Variants in CCNT2 observed in about 807,000 individuals in gnomAD.
CCNT2 encodes the protein cyclin-T2.
In CCNT2, 18 loss-of-function variants were observed where a neutral mutation model predicts 70.0. The ratio of observed to expected loss-of-function variants is 0.26; its 90% CI spans 0.18 to 0.38. The LOEUF is 0.38. Among genes scored for constraint, CCNT2 ranks in the 10% least tolerant of loss-of-function variants. CCNT2 has a pLI of 1.00. For synonymous variants in CCNT2, 334 were observed against 313.3 expected (o/e 1.07, Z -0.70); for missense variants, 734 against 890.2 (o/e 0.82, Z 2.23).
chr2:134,937,753 A>G (rs45612036), intron 3 of CCNT2, among the ~76,000 whole-genome samples: 2,864 of 152,180 alleles, frequency 0.019, 92 homozygotes, highest in African/African-American at 0.066. Flanking sequence ...CATCTCTACT[A>G]AAAATACAAA....
rs79178736 is a variant in CCNT2, at chr2:134,953,729, C to T, written c.1274C>T (p.Thr425Ile). Residue 425 changes from threonine (T) to isoleucine (I), a missense_variant, in exon 9 of 9, where the codon ACT becomes ATT. Around this residue, in one of 3 missense-constraint regions of CCNT2, gnomAD observed 532 missense variants for 556.9 expected, o/e 0.96. Coordinates refer to ENST00000264157, the MANE Select transcript of CCNT2 (RefSeq NM_058241.3). ...GSSKHHGPIS[T>I]TPGIIPQKMS... is the part of the protein sequence containing the mutation. ...AGTAAACACCATGGGCCAATTTCCA[C>T]TACTCCAGGAATAATTCCTCAGAAA... 6.1e-5 allele frequency: 98 copies of T among 1,614,010 alleles called. No individual in the cohort carries two copies. In the East Asian group the frequency reaches 2.2e-3, roughly 36 times the overall value.
At chr2:134,943,059 T>C in intron 5 of CCNT2, 1 of 985,330 alleles carries the variant, frequency 1.0e-6, no homozygotes, top group African/African-American at 1.7e-5. Flanking sequence ...GTGATAACAG[T>C]TGAAGAATTT....
chr2:134,951,754 CT>C (rs1447955668), intron 7 of CCNT2, among the ~76,000 whole-genome samples: 2 of 152,150 alleles, frequency 1.3e-5, no homozygotes, highest in African/African-American at 4.8e-5. Context: ...TCTCCTGGTA[CT>C]AACATCTTAC....
At chr2:134,942,793 T>G in intron 5 of CCNT2, 119 bp downstream of exon 5, 1 of 1,397,774 alleles carries the variant, frequency 7.2e-7, no homozygotes, top group South Asian at 1.6e-5. Flanking sequence ...TAGGGAGAAA[T>G]GTCATTTTTT....
chr2:134,934,248 A>G (rs893632910), intron 2 of CCNT2, among the ~76,000 whole-genome samples: 1 of 152,196 alleles, frequency 6.6e-6, no homozygotes, highest in African/African-American at 2.4e-5. Context: ...CTAGGTCCAA[A>G]ATACAAAAAT....
rs1683070874 is a variant in CCNT2 at position 134,959,041 on chromosome 2, G to C, written c.*4393G>C. 1.3e-5 allele frequency: 2 copies of C among 150,928 alleles called. No individual in the cohort carries two copies. The highest frequency in any genetic ancestry group is 1.3e-4 in the Admixed American group (2 of 15,016). 9.3% of individuals were successfully genotyped at this position (150,928 alleles called of 1,614,324 possible). A position where few individuals can be genotyped will look rare whatever the true frequency, so the allele number is the denominator to read the frequency against. On this transcript the variant is annotated 3_prime_UTR_variant, in exon 9 of 9. Transcript: ENST00000264157. ...GCATTGCCACTTTAGTAGTTTGTTT[G>C]ATTTGCCTATTGTTTAATAATGAGT... is the stretch of plus-strand genomic sequence containing the variant.
intron 2 of CCNT2, among the ~76,000 whole-genome samples, chr2:134,932,549 A>AT (rs35802107): frequency 1.3e-5 from 2 of 151,998 alleles, no homozygotes; most frequent in Non-Finnish European, 2.9e-5. Context: ...CAGCTTGAAG[A>AT]TTTTTTTTAA....
At chr2:134,928,642 A>G (rs1056108361) in intron 2 of CCNT2, among the ~76,000 whole-genome samples, 1 of 152,174 alleles carries the variant, frequency 6.6e-6, no homozygotes. Context: ...AAATAGAATT[A>G]CTATTGGCCA....
chr2:134,936,307 C>G (rs1039931084), intron 2 of CCNT2, among the ~76,000 whole-genome samples: 2 of 151,848 alleles, frequency 1.3e-5, no homozygotes, highest in Non-Finnish European at 2.9e-5. Context: ...CCCCTTTGTT[C>G]TATGTGCAAA....
rs890742345 is a variant in CCNT2, at chr2:134,956,770, C to T, written c.*2122C>T. 6.6e-6 allele frequency: 1 copy of T among 152,468 alleles called. No individual in the cohort carries two copies. The highest frequency in any genetic ancestry group is 1.5e-5 in the Non-Finnish European group (1 of 67,994). The allele number at this position is 152,468 out of a possible 1,614,324, so 9.4% of individuals were successfully genotyped here. On this transcript the variant is annotated 3_prime_UTR_variant, in exon 9 of 9. Transcript: ENST00000264157. ...CAATGTGAATATTTAAGGTCTGTGA[C>T]TATAGTTAAACTTCACTAAGAATTT...
At chr2:134,944,244 G>A in intron 5 of CCNT2, 4 of 982,096 alleles carry the variant, frequency 4.1e-6, no homozygotes, top group Non-Finnish European at 4.8e-6. Flanking sequence ...AGGAAAAAGG[G>A]TTAGTTTTTT....
rs1214539684 is a variant in CCNT2, at chr2:134,947,875, A to G, written c.679A>G (p.Thr227Ala). ...GCATTGGTGGGAATATGTGGATCCT[A>G]CAGTTACTCTAGAATTATTAGATGG... ...GKHWWEYVDP[T>A]VTLELLDELT... The change falls in exon 7 of 9, where the codon ACA (threonine) becomes GCA (alanine). Residue 227 changes from threonine (T) to alanine (A), a missense_variant. Coordinates refer to ENST00000264157, the MANE Select transcript of CCNT2 (RefSeq NM_058241.3). The G allele has an allele frequency of 1.3e-6, 2 of 1,514,334 alleles. No individual in the cohort carries two copies. The highest frequency in any genetic ancestry group is 2.6e-5 in the South Asian group (2 of 76,658). The allele number at this position is 1,514,334 out of a possible 1,614,324, so 93.8% of individuals were successfully genotyped here.
In CCNT2 at chr2:134,919,348, C is replaced by T. The variant is rs148237245; in HGVS notation, c.158+336C>T. ...GGCGGCTCCCTGGACTTGTCCCTGACCCCGAAGGGTTTGAGAGGTAGGAGG... is the reference window on the plus strand; with the variant it reads ...GGCGGCTCCCTGGACTTGTCCCTGATCCCGAAGGGTTTGAGAGGTAGGAGG... On this transcript the variant is annotated intron_variant, in intron 1 of 8. Transcript: ENST00000264157. Among the ~76,000 whole-genome samples, 773 of 152,258 alleles carry T rather than the reference C, an allele frequency of 5.1e-3. 4 individuals are homozygous for T. The highest frequency in any genetic ancestry group is 0.017 in the African/African-American group (719 of 41,516).
At chr2:134,931,998 CT>C (rs1480559609) in intron 2 of CCNT2, among the ~76,000 whole-genome samples, 2 of 151,722 alleles carry the variant, frequency 1.3e-5, no homozygotes, top group Non-Finnish European at 1.5e-5. Flanking sequence ...TTCATTTTTT[CT>C]TTTTTGTTTT....
chr2:134,938,682 T>A (rs1681342695), intron 3 of CCNT2, among the ~76,000 whole-genome samples: 1 of 152,246 alleles, frequency 6.6e-6, no homozygotes, highest in South Asian at 2.1e-4. Context: ...TTCCTGTCTT[T>A]AATATCTCTT....
intron 5 of CCNT2, chr2:134,943,400 T>A: frequency 1.0e-6 from 1 of 971,570 alleles, no homozygotes; most frequent in Non-Finnish European, 1.2e-6. Context: ...AGACCCTATC[T>A]CAAAAAAAAA....
intron 2 of CCNT2, among the ~76,000 whole-genome samples, chr2:134,922,759 C>T (rs76480857): frequency 2.2e-3 from 335 of 152,316 alleles, no homozygotes; most frequent in African/African-American, 7.7e-3. Flanking sequence ...GCTTCTCTTA[C>T]AAACTCCTAA....
Position 134,945,706 on chromosome 2 carries a change from AAGTCTGGC to A in CCNT2, c.494-392_494-385del. The A allele has an allele frequency of 2.4e-6, 3 of 1,271,190 alleles. No homozygotes were observed. In the South Asian group the frequency reaches 4.0e-5, roughly 17 times the overall value. 78.7% of individuals were successfully genotyped at this position (1,271,190 alleles called of 1,614,324 possible). ...GCCAACTTAAATATGACTGAGGATTAAGTCTGGCAGGCAACTCTTTGTATTTTGTATTA... is the reference window on the plus strand; with the variant it reads ...GCCAACTTAAATATGACTGAGGATTAAGGCAACTCTTTGTATTTTGTATTA... On this transcript the variant is annotated intron_variant, in intron 5 of 8. Coordinates refer to ENST00000264157, the MANE Select transcript of CCNT2 (RefSeq NM_058241.3).
chr2:134,935,233 G>A lies in CCNT2; in HGVS notation c.241-1608G>A, dbSNP rs571088631. ...TAAAAGGAAGAAATAAGTTGAAAGT[G>A]CAAATTAAAATTATTCACTCATTTT... On this transcript the variant is annotated intron_variant, in intron 2 of 8. Coordinates refer to ENST00000264157, the MANE Select transcript of CCNT2 (RefSeq NM_058241.3). Among the ~76,000 whole-genome samples the A allele has an allele frequency of 1.2e-3, 178 of 152,208 alleles. 1 individual carries two copies. The highest frequency in any genetic ancestry group is 3.4e-3 in the Middle Eastern group (1 of 294).
Sources: allele counts gnomAD v4.1 joint callset (sites outside exome capture counted in the v4.1 genomes callset), GRCh38; gene constraint gnomAD v4.1.1; regional missense constraint gnomAD v4.1.1; transcripts MANE v1.5; gene names NCBI Gene and HGNC (gene_info 2026-07-23, HGNC 2026-07-21).